EGFL7: variants seen among roughly 807,000 people sequenced by gnomAD.
EGFL7 encodes the protein EGF like domain multiple 7.
EGFL7 carries 48 observed loss-of-function variants against 37.1 expected under a neutral mutation model. The observed-to-expected ratio is 1.29, with a 90% CI of 1.03 to 1.65. The LOEUF (loss-of-function observed/expected upper bound fraction) is 1.65, where lower values mean the gene tolerates loss of function less well. Ranked by LOEUF, EGFL7 falls within the 40% of genes most tolerant of loss-of-function variation. The pLI, the probability that EGFL7 is intolerant of heterozygous loss-of-function variation, is 0.00. For missense variants in EGFL7, 384 were observed against 378.9 expected (o/e 1.01, Z -0.11); for synonymous variants, 180 against 156.8 (o/e 1.15, Z -1.10).
chr9:136,671,701 C>G (rs563621119), intron 9 of EGFL7, among the ~76,000 whole-genome samples: 2 of 152,102 alleles, frequency 1.3e-5, no homozygotes, highest in African/African-American at 4.8e-5. Flanking sequence ...AGTTCTCCTG[C>G]CAGGGACCCC....
At chr9:136,659,718 G>C (rs958474305), upstream of EGFL7, 1 of 152,426 alleles carries the variant, frequency 6.6e-6, no homozygotes, top group Non-Finnish European at 1.5e-5. Flanking sequence ...GCTGACAAGA[G>C]AGACAATGGG....
At position 136,669,902 on chromosome 9, in the gene EGFL7, C is replaced by A; in HGVS notation, c.314-12C>A. On this transcript the variant is annotated splice_polypyrimidine_tract_variant and intron_variant, in intron 6 of 10. Transcript: ENST00000308874. ...CCCAACTGAGCTGGTGACCAGCCTC[C>A]CCCGCCCACAGCAATATGCCAGCCG... is the stretch of plus-strand genomic sequence containing the variant. The A allele has an allele frequency of 6.4e-7, 1 of 1,571,928 alleles. No homozygotes were observed. Among genetic ancestry groups the A allele is most frequent in the Non-Finnish European group, 8.6e-7 (1 of 1,159,632 alleles).
At chr9:136,659,980 G>A (rs1401133001), upstream of EGFL7, among the ~76,000 whole-genome samples, 1 of 152,170 alleles carries the variant, frequency 6.6e-6, no homozygotes, top group Non-Finnish European at 1.5e-5. Flanking sequence ...TGTGGGGCTG[G>A]AGCCTGGGCA....
chr9:136,669,448 A>G (rs1456726956), intron 5 of EGFL7, among the ~76,000 whole-genome samples, 158 bp from the exon 6 acceptor site: 1 of 152,190 alleles, frequency 6.6e-6, no homozygotes, highest in African/African-American at 2.4e-5. Context: ...AGGCAGGGAA[A>G]CGGCTGTGCA....
chr9:136,670,810 C>A, intron 8 of EGFL7, 140 bp from the exon 9 acceptor site: 3 of 841,634 alleles, frequency 3.6e-6, no homozygotes, highest in Non-Finnish European at 5.8e-6. Context: ...GACCTCTGGC[C>A]AGCGCCAGGC....
Position 136,669,716 on chromosome 9 carries a change from G to T in EGFL7, c.308G>T (p.Gly103Val). ...ACCAGCGGGCTTCCTGGGGCCTGTG[G>T]AGCAGGTGAGGGCTATGTCCCTCGG... ...KRTSGLPGAC[G>V]AAICQPPCRN... Residue 103 changes from glycine to valine, a missense_variant, in exon 6 of 11, where the codon GGA (glycine) becomes GTA (valine). Coordinates refer to ENST00000308874, the MANE Select transcript of EGFL7 (RefSeq NM_016215.5). 1 of 1,591,748 alleles carries T rather than the reference G, an allele frequency of 6.3e-7. No individual in the cohort carries two copies. The highest frequency in any genetic ancestry group is 8.5e-7 in the Non-Finnish European group (1 of 1,169,784).
In EGFL7 at chr9:136,669,092, G is replaced by T. The variant is rs548496042; in HGVS notation, c.197+419G>T. Among the ~76,000 whole-genome samples, 410 of 152,286 alleles carry T rather than the reference G, an allele frequency of 2.7e-3. 6 individuals carry two copies. The Middle Eastern group carries it at 0.051, about 19-fold the overall frequency. On this transcript the variant is annotated intron_variant, in intron 5 of 10. Transcript: ENST00000308874. Reference sequence around the variant, plus strand: ...CCCCCTCCACATGACGGCCCCCAGTGGGCACAGATGAGACCCTGAAATGTC... The same window carrying T: ...CCCCCTCCACATGACGGCCCCCAGTTGGCACAGATGAGACCCTGAAATGTC...
rs529056280 is a variant in EGFL7 at position 136,664,989 on chromosome 9, T to C, written c.-43+204T>C. On this transcript the variant is annotated intron_variant, in intron 3 of 10. Transcript: ENST00000308874. Reference sequence around the variant, plus strand: ...TCACCGTCACTAGATCCCAGGGCTGTTTAGCCCCATCTTATAAATTTGGAA... The same window carrying C: ...TCACCGTCACTAGATCCCAGGGCTGCTTAGCCCCATCTTATAAATTTGGAA... Among the ~76,000 whole-genome samples the C allele has an allele frequency of 3.9e-5, 6 of 152,328 alleles. No individual in the cohort carries two copies. In the South Asian group the frequency reaches 1.2e-3, roughly 32 times the overall value.
At chr9:136,661,358 G>A (rs1328945282), upstream of EGFL7, among the ~76,000 whole-genome samples, 1 of 152,166 alleles carries the variant, frequency 6.6e-6, no homozygotes, top group East Asian at 1.9e-4. Context: ...GAGCCAGGGG[G>A]CCGAGGGAGG....
chr9:136,672,529 C>T lies in EGFL7; in HGVS notation c.*243C>T, dbSNP rs976604453. 10 of 601,602 alleles carry T rather than the reference C, an allele frequency of 1.7e-5. No homozygotes were observed. Among genetic ancestry groups the T allele is most frequent in the South Asian group, 1.4e-4 (7 of 50,286 alleles). The allele number at this position is 601,602 out of a possible 1,614,324, so 37.3% of individuals were successfully genotyped here. A position where few individuals can be genotyped will look rare whatever the true frequency, so the allele number is the denominator to read the frequency against. ...CCCACCCTGGCTACCCCAACGGCAT[C>T]CCAAGGCCAGGTGGGCCCTCAGCTG... is the stretch of plus-strand genomic sequence containing the variant. On this transcript the variant is annotated 3_prime_UTR_variant, in exon 11 of 11. Transcript: ENST00000308874.
Position 136,666,019 on chromosome 9 carries a change from C to T in EGFL7, c.-43+1234C>T, listed in dbSNP as rs1012886504. Among the ~76,000 whole-genome samples, 1 of 143,552 alleles carries T rather than the reference C, an allele frequency of 7.0e-6. No homozygotes were observed. The highest frequency in any genetic ancestry group is 1.5e-5 in the Non-Finnish European group (1 of 65,258). 94.2% of individuals were successfully genotyped at this position (143,552 alleles called of 152,430 possible). On this transcript the variant is annotated intron_variant, in intron 3 of 10. Coordinates refer to ENST00000308874, the MANE Select transcript of EGFL7 (RefSeq NM_016215.5). This position sits in a 1 kb window ranked among gnomAD's most constrained non-coding sequence, Gnocchi z 6.8. ...CGCCCGCGGCTGGGTCGGGCCGGGC[C>T]GGGAGAATGGGCCCAGCGGCCCCGG...
chr9:136,669,888 T>C (rs1411093126), intron 6 of EGFL7, 26 bp from the exon 7 acceptor site: 4 of 1,556,152 alleles, frequency 2.6e-6, no homozygotes, highest in Non-Finnish European at 3.5e-6. Context: ...CCAACTGAGC[T>C]GGTGACCAGC....
chr9:136,672,223 G>A (rs1357152296), intron 10 of EGFL7, 41 bp from the exon 11 acceptor site: 3 of 1,613,078 alleles, frequency 1.9e-6, no homozygotes, highest in African/African-American at 1.3e-5. Context: ...GGGAGGCTGT[G>A]GGGAGCAGTG....
At position 136,670,099 on chromosome 9, in the gene EGFL7, G is replaced by T; in HGVS notation, c.410-70G>T. The T allele has an allele frequency of 1.9e-6, 3 of 1,608,436 alleles. No individual in the cohort carries two copies. The South Asian group carries it at 3.3e-5, about 18-fold the overall frequency. On this transcript the variant is annotated intron_variant, in intron 7 of 10. Coordinates refer to ENST00000308874, the MANE Select transcript of EGFL7 (RefSeq NM_016215.5). ...GTTACTGCTGGCCCATGAGTGGGTG[G>T]TTGTGAAGGGAGCTGTGTGGGCAGG...
In EGFL7 at chr9:136,668,628, C is replaced by T. The variant is rs368404574; in HGVS notation, c.152C>T (p.Pro51Leu). Reference protein sequence around the residue: ...SESFVQRVYQPFLTTCDGHRA... With the variant: ...SESFVQRVYQLFLTTCDGHRA... ...TCGTTCGTGCAGCGTGTGTACCAGC[C>T]CTTCCTCACCACCTGCGACGGGCAC... The change falls in exon 5 of 11, where the codon CCC (proline) becomes CTC (leucine). Residue 51 changes from proline (P) to leucine (L), a missense_variant. Transcript: ENST00000308874. 6.2e-7 allele frequency: 1 copy of T among 1,606,896 alleles called. No individual in the cohort carries two copies. Among genetic ancestry groups the T allele is most frequent in the African/African-American group, 1.3e-5 (1 of 75,014 alleles).
At position 136,670,299 on chromosome 9, in the gene EGFL7, A is replaced by C. The variant is rs577749386; in HGVS notation, c.540A>C (p.Gly180=). 6.3e-7 allele frequency: 1 copy of C among 1,595,854 alleles called. No individual in the cohort carries two copies. The highest frequency in any genetic ancestry group is 1.3e-5 in the African/African-American group (1 of 74,568). ...ACGGTACACTCTGTGTGCCCAAGGG[A>C]GGGCCCCCCAGGGTGGCCCCCAACC... ...SADGTLCVPK[G]GPPRVAPNPT... Residue 180 remains glycine, a synonymous_variant, in exon 8 of 11, where the codon GGA becomes GGC. Coordinates refer to ENST00000308874, the MANE Select transcript of EGFL7 (RefSeq NM_016215.5).
upstream of EGFL7, chr9:136,660,458 G>A (rs1235178553): frequency 6.6e-6 from 1 of 152,418 alleles, no homozygotes; most frequent in Non-Finnish European, 1.5e-5. Context: ...GTCTTGGCCT[G>A]GGGAGGGGCT....
intron 8 of EGFL7, 93 bp downstream of exon 8, chr9:136,670,423 T>G: frequency 7.1e-7 from 1 of 1,411,182 alleles, no homozygotes; most frequent in Non-Finnish European, 9.6e-7. Flanking sequence ...CACTGGAATC[T>G]GGGCGGAAGG....
At chr9:136,660,370 G>A (rs1276918770), upstream of EGFL7, 1 of 152,326 alleles carries the variant, frequency 6.6e-6, no homozygotes, top group Non-Finnish European at 1.5e-5. Context: ...CCCTCCTGTG[G>A]TGGCTCCAGG....
Sources: gnomAD v4.1 joint callset for allele counts (sites outside exome capture counted in the v4.1 genomes callset) on GRCh38, gnomAD v4.1.1 for gene constraint, Gnocchi (gnomAD v3.1) non-coding constraint, MANE v1.5 for transcripts, NCBI Gene and HGNC (gene_info 2026-07-23, HGNC 2026-07-21) for gene names.